The following RREB1 variants were observed in gnomAD, a reference collection of about 807,000 sequenced individuals.
The protein encoded by RREB1 is ras-responsive element-binding protein 1.
Under a neutral mutation model 117.8 loss-of-function variants are expected in RREB1, and 27 were observed. The ratio of observed to expected loss-of-function variants is 0.23; its 90% confidence interval spans 0.17 to 0.32. The LOEUF (loss-of-function observed/expected upper bound fraction) is 0.32. Ranked by LOEUF, RREB1 falls within the 10% of genes least tolerant of loss-of-function variation. RREB1 has a pLI of 1.00. For synonymous variants in RREB1, 1,298 were observed against 1,026.7 expected (o/e 1.26, Z -5.05); for missense variants, 2,577 against 2,378.2 (o/e 1.08, Z -1.74).
At position 7,231,286 on chromosome 6, in the gene RREB1, C is replaced by G. The variant is rs763496323; in HGVS notation, c.3187C>G (p.Pro1063Ala). 3 of 1,608,278 alleles carry G rather than the reference C, an allele frequency of 1.9e-6. No individual in the cohort carries two copies. The highest frequency in any genetic ancestry group is 2.5e-6 in the Non-Finnish European group (3 of 1,176,758). ...LPKPPVTEEL[P>A]PLASIAQIIS... The stretch of plus-strand genomic sequence containing the variant: ...AAAGCCCCCCGTGACAGAAGAGCTG[C>G]CCCCGCTGGCCTCCATTGCCCAGAT... The change falls in exon 10 of 13, where the codon CCC (proline) becomes GCC (alanine). Residue 1063 changes from proline (P) to alanine (A), a missense_variant. Coordinates refer to ENST00000379938, the MANE Select transcript of RREB1 (RefSeq NM_001003699.4).
intron 1 of RREB1, among the ~76,000 whole-genome samples, chr6:7,167,721 A>T (rs1561756745): frequency 6.6e-6 from 1 of 152,198 alleles, no homozygotes; most frequent in African/African-American, 2.4e-5. Context: ...GGGTGAATTG[A>T]GGAGTTAGGA....
At chr6:7,173,795 G>A (rs1415776740) in intron 1 of RREB1, among the ~76,000 whole-genome samples, 1 of 151,864 alleles carries the variant, frequency 6.6e-6, no homozygotes, top group African/African-American at 2.4e-5. Context: ...AAAAAAAAAA[G>A]GGAAAGAAAG....
intron 1 of RREB1, among the ~76,000 whole-genome samples, chr6:7,176,355 C>T (rs1357329891): frequency 6.6e-6 from 1 of 152,180 alleles, no homozygotes; most frequent in Admixed American, 6.5e-5. Context: ...ACGAAGCTCC[C>T]CCCCGGAGCC....
At chr6:7,173,708 T>C (rs1764348624) in intron 1 of RREB1, among the ~76,000 whole-genome samples, 1 of 150,294 alleles carries the variant, frequency 6.7e-6, no homozygotes, top group Non-Finnish European at 1.5e-5. Context: ...TAATCCCAGC[T>C]ACCCGGGAGG....
chr6:7,121,964 G>A (rs1761699854), intron 1 of RREB1, among the ~76,000 whole-genome samples: 1 of 152,160 alleles, frequency 6.6e-6, no homozygotes, highest in African/African-American at 2.4e-5. Flanking sequence ...CACCTACTTA[G>A]GATTTCTGCT....
rs758254835 is a variant in RREB1 at position 7,181,155 on chromosome 6, A to G, written c.-134A>G. ...CGAGTACTACCAAGAGAAGAAGACA[A>G]GAGGTCAACACAGACTCATTTTCTA... On this transcript the variant is annotated 5_prime_UTR_variant, in exon 3 of 13. Transcript: ENST00000379938. 33 of 398,466 alleles carry G rather than the reference A, an allele frequency of 8.3e-5. No individual in the cohort carries two copies. Among genetic ancestry groups the G allele is most frequent in the Admixed American group, 2.6e-4 (6 of 22,710 alleles). The allele number at this position is 398,466 out of a possible 1,614,324, so 24.7% of individuals were successfully genotyped here.
At chr6:7,117,899 A>G (rs1199080053) in intron 1 of RREB1, among the ~76,000 whole-genome samples, 1 of 152,096 alleles carries the variant, frequency 6.6e-6, no homozygotes, top group African/African-American at 2.4e-5. Flanking sequence ...TTAAAAAAGC[A>G]AAAAGAAGAA....
chr6:7,120,403 G>A (rs1190657873), intron 1 of RREB1, among the ~76,000 whole-genome samples: 1 of 152,152 alleles, frequency 6.6e-6, no homozygotes, highest in African/African-American at 2.4e-5. Flanking sequence ...GCAGCGAGCT[G>A]TGATTGTGCC....
intron 10 of RREB1, among the ~76,000 whole-genome samples, chr6:7,238,190 T>C (rs1456322618): frequency 6.6e-6 from 1 of 152,232 alleles, no homozygotes; most frequent in African/African-American, 2.4e-5. Flanking sequence ...TTACTTGAAA[T>C]TATTAAATAC....
chr6:7,202,495 A>G (rs751351253), intron 6 of RREB1, among the ~76,000 whole-genome samples: 4 of 152,018 alleles, frequency 2.6e-5, no homozygotes, highest in Non-Finnish European at 4.4e-5. Flanking sequence ...TTGCCCTGGG[A>G]AGCTGGTCTC....
Position 7,229,966 on chromosome 6 carries a change from C to G in RREB1, c.1867C>G (p.Leu623Val). 1.2e-6 allele frequency: 2 copies of G among 1,605,300 alleles called. No individual in the cohort carries two copies. Among genetic ancestry groups the G allele is most frequent in the Non-Finnish European group, 1.7e-6 (2 of 1,174,040 alleles). The change falls in exon 10 of 13, where the codon CTC becomes GTC. Residue 623 changes from leucine (L) to valine (V), a missense_variant. Physicochemically the swap from Leu to Val is conservative, Grantham distance 32. Coordinates refer to ENST00000379938, the MANE Select transcript of RREB1 (RefSeq NM_001003699.4). This position sits in a 1 kb window ranked among gnomAD's most constrained non-coding sequence, Gnocchi z 4.5. Reference sequence around the variant, plus strand: ...CAAGCAGGAGATCACAGAGGGGGAACTCAAGGCCTTCATGACAGCGCCCGG... The same window carrying G: ...CAAGCAGGAGATCACAGAGGGGGAAGTCAAGGCCTTCATGACAGCGCCCGG... ...KIKQEITEGE[L>V]KAFMTAPGGK...
intron 2 of RREB1, among the ~76,000 whole-genome samples, chr6:7,180,348 C>T (rs995861005): frequency 1.3e-5 from 2 of 152,158 alleles, no homozygotes; most frequent in African/African-American, 4.8e-5. Flanking sequence ...GAGGAGGAAG[C>T]CATGAGAAAT....
chr6:7,199,719 A>C (rs560734465), intron 6 of RREB1, among the ~76,000 whole-genome samples: 4 of 151,786 alleles, frequency 2.6e-5, no homozygotes, highest in African/African-American at 9.7e-5. Context: ...GGTGGAGTGC[A>C]GTGGTGCCAT....
chr6:7,223,766 C>A (rs942314447), intron 8 of RREB1, among the ~76,000 whole-genome samples: 3 of 152,092 alleles, frequency 2.0e-5, no homozygotes, highest in Non-Finnish European at 2.9e-5. Context: ...ACATGTGGAG[C>A]ACATACGAAA....
intron 1 of RREB1, among the ~76,000 whole-genome samples, chr6:7,113,099 G>A (rs1761225000): frequency 6.6e-6 from 1 of 151,648 alleles, no homozygotes; most frequent in Non-Finnish European, 1.5e-5. Context: ...ATTCAAGCCA[G>A]TAAAGCTAAG....
intron 9 of RREB1, among the ~76,000 whole-genome samples, chr6:7,227,081 A>G (rs1767626054): frequency 6.6e-6 from 1 of 152,138 alleles, no homozygotes; most frequent in African/African-American, 2.4e-5. Context: ...TCTCTACAAA[A>G]AATTTAAAAA....
At chr6:7,244,133 C>T (rs1011617162) in intron 11 of RREB1, among the ~76,000 whole-genome samples, 2 of 151,760 alleles carry the variant, frequency 1.3e-5, no homozygotes, top group African/African-American at 2.4e-5. Context: ...CATGGTGGCT[C>T]ACACCTGTAA....
intron 1 of RREB1, among the ~76,000 whole-genome samples, chr6:7,174,001 CCT>C (rs1009003535): frequency 1.6e-4 from 25 of 152,146 alleles, no homozygotes; most frequent in African/African-American, 5.3e-4. Context: ...GGACTTCCGC[CCT>C]CTCTTAGTCC....
intron 11 of RREB1, among the ~76,000 whole-genome samples, chr6:7,244,563 T>G (rs1223389028): frequency 1.3e-5 from 2 of 152,224 alleles, no homozygotes; most frequent in African/African-American, 4.8e-5. Flanking sequence ...GCCCAGACAT[T>G]GGTGTGCATA....
Sources: gnomAD v4.1 joint callset for allele counts (sites outside exome capture counted in the v4.1 genomes callset) on GRCh38, gnomAD v4.1.1 for gene constraint, Gnocchi (gnomAD v3.1) non-coding constraint, MANE v1.5 for transcripts, NCBI Gene and HGNC (gene_info 2026-07-23, HGNC 2026-07-21) for gene names.